The following USP20 variants were observed in gnomAD, a reference collection of about 807,000 sequenced individuals.
USP20 encodes ubiquitin specific peptidase 20.
In USP20, 80 loss-of-function variants were observed where a neutral mutation model predicts 124.2. That is an observed-to-expected ratio of 0.64 (90% CI 0.54 to 0.78). The LOEUF (loss-of-function observed/expected upper bound fraction) is 0.78, where lower values mean the gene tolerates loss of function less well. Among genes scored for constraint, USP20 ranks in the 30% least tolerant of loss-of-function variants. USP20 has a pLI of 0.00. For missense variants in USP20, 1,043 were observed against 1,244.4 expected (o/e 0.84, Z 2.44); for synonymous variants, 481 against 512.3 (o/e 0.94, Z 0.83).
chr9:129,855,756 AAGG>A (rs2033180725), intron 3 of USP20, among the ~76,000 whole-genome samples: 1 of 152,174 alleles, frequency 6.6e-6, no homozygotes, highest in African/African-American at 2.4e-5. Flanking sequence ...TTGTTAAAGC[AAGG>A]AGGAGAGAAA....
intron 19 of USP20, 93 bp from the exon 20 acceptor site, chr9:129,875,217 C>T (rs1564221853): frequency 1.2e-5 from 16 of 1,382,106 alleles, no homozygotes; most frequent in South Asian, 1.4e-5. Flanking sequence ...TGGACAGGGC[C>T]GGTAGCCCGA....
chr9:129,873,770 C>T, intron 17 of USP20, 26 bp downstream of exon 17: 1 of 1,609,020 alleles, frequency 6.2e-7, no homozygotes, highest in Non-Finnish European at 8.5e-7. Flanking sequence ...CGGCAGCCTC[C>T]TCCTCAGCTA....
At chr9:129,853,070 A>G (rs560319424) in intron 3 of USP20, among the ~76,000 whole-genome samples, 1 of 152,234 alleles carries the variant, frequency 6.6e-6, no homozygotes, top group Non-Finnish European at 1.5e-5. Context: ...AAAAGGTAAT[A>G]CTTGAACAGG....
In USP20 at chr9:129,863,269, A is replaced by G. The variant is rs1466358097; in HGVS notation, c.581A>G (p.Lys194Arg). The change falls in exon 9 of 26, where the codon AAG becomes AGG. Residue 194 changes from lysine (K) to arginine (R), a missense_variant. Transcript: ENST00000372429. ...CCAGCCCTGTGCAAGAGCTACCAGA[A>G]GCTGGTCTCTGAGGTCTGGCATAAG... is the stretch of plus-strand genomic sequence containing the variant. ...KKPALCKSYQKLVSEVWHKKR... is the reference protein window; with the variant it reads ...KKPALCKSYQRLVSEVWHKKR... 1 of 1,550,402 alleles carries G rather than the reference A, an allele frequency of 6.4e-7. No homozygotes were observed. Among genetic ancestry groups the G allele is most frequent in the South Asian group, 1.2e-5 (1 of 84,054 alleles).
At chr9:129,878,193 G>C (rs980512653) in intron 22 of USP20, 145 bp from the exon 23 acceptor site, 1 of 671,996 alleles carries the variant, frequency 1.5e-6, no homozygotes, top group Non-Finnish European at 2.7e-6. Context: ...CTTGTCTGGG[G>C]GTTTGATTTT....
chr9:129,846,074 G>A (rs1394665128), intron 1 of USP20, among the ~76,000 whole-genome samples: 3 of 151,108 alleles, frequency 2.0e-5, no homozygotes, highest in Middle Eastern at 3.4e-3. Flanking sequence ...ACAGGCGTCC[G>A]CCACCACACC....
At chr9:129,858,017 G>A (rs755697092) in intron 4 of USP20, 33 bp from the exon 5 acceptor site, 1 of 1,600,016 alleles carries the variant, frequency 6.2e-7, no homozygotes, top group Non-Finnish European at 8.6e-7. Flanking sequence ...CTTTTGGCAA[G>A]CTCCAGTCCA....
chr9:129,880,332 C>G (rs2034590306), intron 25 of USP20, 43 bp downstream of exon 25: 6 of 1,516,718 alleles, frequency 4.0e-6, no homozygotes, highest in Non-Finnish European at 5.3e-6. Context: ...TCTGGGTCCT[C>G]TCCTCACTCT....
At chr9:129,869,536 C>T in intron 13 of USP20, 111 bp downstream of exon 13, 1 of 1,525,948 alleles carries the variant, frequency 6.6e-7, no homozygotes, top group Non-Finnish European at 9.0e-7. Context: ...TGCTTTTATC[C>T]AGGGGAGGGC....
At chr9:129,869,072 T>A in intron 12 of USP20, 70 bp downstream of exon 12, 1 of 1,512,444 alleles carries the variant, frequency 6.6e-7, no homozygotes, top group Non-Finnish European at 8.9e-7. Context: ...GCTGCCTTTC[T>A]CATGGCCCCC....
At chr9:129,844,113 C>A (rs1391499016) in intron 1 of USP20, among the ~76,000 whole-genome samples, 1 of 152,028 alleles carries the variant, frequency 6.6e-6, no homozygotes, top group East Asian at 1.9e-4. Flanking sequence ...TCAGTGCCTT[C>A]TTTATAATGG....
intron 22 of USP20, 124 bp from the exon 23 acceptor site, chr9:129,878,214 T>C (rs1358828103): frequency 8.1e-6 from 6 of 740,948 alleles, no homozygotes; most frequent in African/African-American, 1.7e-5. Flanking sequence ...TCACCTTGAG[T>C]ATCTGGTGTT....
chr9:129,862,648 G>A (rs1235049157), intron 8 of USP20, among the ~76,000 whole-genome samples: 2 of 152,066 alleles, frequency 1.3e-5, no homozygotes, highest in African/African-American at 2.4e-5. Context: ...GCTTACGCCT[G>A]TAATCCCAGC....
intron 3 of USP20, among the ~76,000 whole-genome samples, chr9:129,855,765 A>G (rs1391434492): frequency 6.6e-6 from 1 of 152,192 alleles, no homozygotes; most frequent in Non-Finnish European, 1.5e-5. Flanking sequence ...CAAGGAGGAG[A>G]GAAAGGATTC....
At position 129,874,783 on chromosome 9, in the gene USP20, C is replaced by T. The variant is rs753854935; in HGVS notation, c.1921+27C>T. The T allele has an allele frequency of 4.3e-6, 7 of 1,613,832 alleles. No homozygotes were observed. The East Asian group carries it at 1.6e-4, about 36-fold the overall frequency. Reference sequence around the variant, plus strand: ...TGAGTCATGTCCCCTCCCCTGCCGTCCCCATCCGCTAGGATCCCTGTGACC... The same window carrying T: ...TGAGTCATGTCCCCTCCCCTGCCGTTCCCATCCGCTAGGATCCCTGTGACC... On this transcript the variant is annotated intron_variant, in intron 18 of 25. Coordinates refer to ENST00000372429, the MANE Select transcript of USP20 (RefSeq NM_001110303.4).
intron 10 of USP20, 87 bp from the exon 11 acceptor site, chr9:129,867,918 G>A: frequency 8.1e-6 from 12 of 1,488,446 alleles, no homozygotes; most frequent in Admixed American, 2.2e-5. Flanking sequence ...CCTAGATGGA[G>A]GCTGGCGCTC....
At chr9:129,857,167 G>GC (rs1183172834) in intron 4 of USP20, among the ~76,000 whole-genome samples, 1 of 152,118 alleles carries the variant, frequency 6.6e-6, no homozygotes, top group South Asian at 2.1e-4. Context: ...GGCCTCTTCT[G>GC]CTCAGCCCTG....
intron 1 of USP20, among the ~76,000 whole-genome samples, chr9:129,843,948 T>C (rs2032385201): frequency 6.6e-6 from 1 of 151,732 alleles, no homozygotes; most frequent in East Asian, 2.0e-4. Context: ...ATGCCTGTAG[T>C]CCTAGCTACT....
intron 18 of USP20, 34 bp downstream of exon 18, chr9:129,874,790 C>T (rs376196417): frequency 2.2e-4 from 361 of 1,613,696 alleles, no homozygotes; most frequent in Non-Finnish European, 2.8e-4. Context: ...CGTCCCCATC[C>T]GCTAGGATCC....
Sources: gnomAD v4.1 joint callset for allele counts (sites outside exome capture counted in the v4.1 genomes callset) on GRCh38, gnomAD v4.1.1 for gene constraint, MANE v1.5 for transcripts, NCBI Gene and HGNC (gene_info 2026-07-23, HGNC 2026-07-21) for gene names.